SPATA16: variants seen among roughly 807,000 people sequenced by gnomAD.
The protein encoded by SPATA16 is spermatogenesis-associated protein 16.
A neutral mutation model predicts 63.3 loss-of-function variants in SPATA16; 36 were observed. That is an observed-to-expected ratio of 0.57 (90% confidence interval 0.44 to 0.75). The LOEUF (loss-of-function observed/expected upper bound fraction) is 0.75. Ranked by LOEUF, SPATA16 falls within the 30% of genes least tolerant of loss-of-function variation. The pLI, the probability that SPATA16 is intolerant of heterozygous loss-of-function variation, is 0.00. For synonymous variants in SPATA16, 203 were observed against 216.7 expected (o/e 0.94, Z 0.56); for missense variants, 646 against 679.3 (o/e 0.95, Z 0.54).
At chr3:172,974,772 C>G (rs1734117283) in intron 5 of SPATA16, among the ~76,000 whole-genome samples, 1 of 152,002 alleles carries the variant, frequency 6.6e-6, no homozygotes, top group East Asian at 1.9e-4. Flanking sequence ...CTAAAATGGG[C>G]TTTAAGAATA....
At chr3:173,049,955 G>A (rs576999126) in intron 2 of SPATA16, among the ~76,000 whole-genome samples, 5 of 151,906 alleles carry the variant, frequency 3.3e-5, no homozygotes, top group Non-Finnish European at 5.9e-5. Context: ...TCAGGATATC[G>A]CCTTTTTGCT....
intron 3 of SPATA16, 27 bp downstream of exon 3, chr3:173,048,922 C>T: frequency 6.2e-7 from 1 of 1,613,082 alleles, no homozygotes; most frequent in Non-Finnish European, 8.5e-7. Flanking sequence ...ACAGCATTTA[C>T]TTGCACTTAT....
intron 8 of SPATA16, among the ~76,000 whole-genome samples, chr3:172,917,213 A>G (rs894453577): frequency 6.6e-5 from 10 of 152,254 alleles, no homozygotes; most frequent in African/African-American, 2.4e-4. Flanking sequence ...CATCCACAAA[A>G]GAGGAGACAT....
At chr3:172,964,245 T>A (rs1163174917) in intron 5 of SPATA16, among the ~76,000 whole-genome samples, 1 of 152,222 alleles carries the variant, frequency 6.6e-6, no homozygotes, top group Non-Finnish European at 1.5e-5. Flanking sequence ...GGCTTTTTGA[T>A]AGGGGGCTTA....
At chr3:173,028,951 C>G (rs1016967216) in intron 3 of SPATA16, among the ~76,000 whole-genome samples, 2 of 151,896 alleles carry the variant, frequency 1.3e-5, no homozygotes, top group Non-Finnish European at 2.9e-5. Flanking sequence ...ATAATATCAG[C>G]CTCAGTAAAT....
intron 5 of SPATA16, among the ~76,000 whole-genome samples, chr3:172,972,309 A>G (rs1179322584): frequency 6.6e-6 from 1 of 152,182 alleles, no homozygotes; most frequent in Non-Finnish European, 1.5e-5. Flanking sequence ...GTTGGTGTCA[A>G]CAGCTCTTCC....
chr3:173,111,383 C>G (rs2108332061), intron 2 of SPATA16, among the ~76,000 whole-genome samples: 2 of 152,254 alleles, frequency 1.3e-5, no homozygotes, highest in Middle Eastern at 6.8e-3. Context: ...GCACTCCAGC[C>G]TGGGTGACAG....
intron 8 of SPATA16, among the ~76,000 whole-genome samples, chr3:172,918,003 T>G (rs763245271): frequency 6.6e-6 from 1 of 152,236 alleles, no homozygotes; most frequent in Non-Finnish European, 1.5e-5. Context: ...GAATGTCTTC[T>G]TACTCACACT....
At chr3:173,123,507 T>C (rs1011204591) in intron 1 of SPATA16, among the ~76,000 whole-genome samples, 8 of 152,204 alleles carry the variant, frequency 5.3e-5, no homozygotes, top group African/African-American at 1.9e-4. Flanking sequence ...GCTGCTTTAC[T>C]GGGTGGCACT....
intron 2 of SPATA16, among the ~76,000 whole-genome samples, chr3:173,088,024 T>TTCTC (rs1197446498): frequency 8.7e-5 from 10 of 114,600 alleles, no homozygotes; most frequent in African/African-American, 3.2e-4. Context: ...CTTTCTTTCT[T>TTCTC]TCTTTCTTTC....
intron 4 of SPATA16, among the ~76,000 whole-genome samples, chr3:172,994,585 G>A (rs940244810): frequency 6.6e-6 from 1 of 152,082 alleles, no homozygotes; most frequent in Non-Finnish European, 1.5e-5. Flanking sequence ...GGAGGCCAGA[G>A]TGACAAACAG....
At chr3:173,028,497 G>A (rs867855123) in intron 3 of SPATA16, among the ~76,000 whole-genome samples, 6 of 151,860 alleles carry the variant, frequency 4.0e-5, no homozygotes, top group Middle Eastern at 6.8e-3. Context: ...AAAGGATGTC[G>A]ATAAAATTTT....
chr3:172,976,913 T>G, intron 5 of SPATA16, 55 bp downstream of exon 5: 2 of 1,433,586 alleles, frequency 1.4e-6, no homozygotes. Context: ...ATCTTTCATT[T>G]TGGCTCTAAA....
At chr3:173,104,525 G>A (rs930184435) in intron 2 of SPATA16, among the ~76,000 whole-genome samples, 9 of 152,168 alleles carry the variant, frequency 5.9e-5, no homozygotes, top group Non-Finnish European at 1.0e-4. Flanking sequence ...GGAAAGTGAA[G>A]CAGGAACAGA....
intron 5 of SPATA16, among the ~76,000 whole-genome samples, chr3:172,961,069 TCTTC>T (rs770794784): frequency 0.013 from 908 of 72,306 alleles, 11 homozygotes; most frequent in Non-Finnish European, 0.017. Flanking sequence ...CTTTCTTCTT[TCTTC>T]CTTCCTTCCT....
At chr3:172,996,891 A>G (rs1734704531) in intron 4 of SPATA16, among the ~76,000 whole-genome samples, 2 of 152,152 alleles carry the variant, frequency 1.3e-5, no homozygotes, top group African/African-American at 4.8e-5. Flanking sequence ...ATTGTACAAT[A>G]GGTAGTCTTT....
intron 1 of SPATA16, among the ~76,000 whole-genome samples, chr3:173,122,523 G>C (rs554451989): frequency 1.3e-5 from 2 of 151,570 alleles, no homozygotes; most frequent in Non-Finnish European, 2.9e-5. Flanking sequence ...AAAAAAAAAA[G>C]ATCTAATTTT....
chr3:172,955,894 G>A (rs931118933), intron 6 of SPATA16, among the ~76,000 whole-genome samples: 6 of 152,050 alleles, frequency 3.9e-5, no homozygotes, highest in African/African-American at 1.2e-4. Flanking sequence ...CACCTTAATA[G>A]TGATCAATAA....
intron 5 of SPATA16, among the ~76,000 whole-genome samples, chr3:172,961,322 G>T (rs1733780268): frequency 6.6e-6 from 1 of 152,126 alleles, no homozygotes; most frequent in South Asian, 2.1e-4. Context: ...TTATTTAGAA[G>T]ATTAGATCTG....
Sources: gnomAD v4.1 joint callset for allele counts (sites outside exome capture counted in the v4.1 genomes callset) on GRCh38, gnomAD v4.1.1 for gene constraint, MANE v1.5 for transcripts, NCBI Gene and HGNC (gene_info 2026-07-23, HGNC 2026-07-21) for gene names.